Variants in NFXL1 observed in about 807,000 individuals in gnomAD.
NFXL1 encodes NF-X1-type zinc finger protein NFXL1.
A neutral mutation model predicts 123.3 loss-of-function variants in NFXL1; 66 were observed. That is an observed-to-expected ratio of 0.54 (90% CI 0.44 to 0.66). NFXL1 has a LOEUF of 0.66. NFXL1 is among the 30% of genes least tolerant of loss of function. The pLI, the probability that NFXL1 is intolerant of heterozygous loss-of-function variation, is 0.00. For synonymous variants in NFXL1, 346 were observed against 360.8 expected, an observed-to-expected ratio of 0.96 and a Z score of 0.46; for missense variants, 944 against 1,125.6, an observed-to-expected ratio of 0.84 and a Z score of 2.31.
At position 47,855,987 on chromosome 4, in the gene NFXL1, G is replaced by A. The variant is rs150706315; in HGVS notation, c.2317-824C>T. On this transcript the variant is annotated intron_variant, in intron 19 of 22. Transcript: ENST00000507489. ...GCCTATACATAAATACATAATAGTA[G>A]TTAAGAAATCTGTTTCTAAACTGTT... is the stretch of plus-strand genomic sequence containing the variant. 4.6e-3 allele frequency among the ~76,000 whole-genome samples: 703 copies of A among 152,236 alleles called. 4 individuals are homozygous for A. Among genetic ancestry groups the A allele is most frequent in the Non-Finnish European group, 7.0e-3 (479 of 68,014 alleles).
At chr4:47,908,133 T>C (rs1029557470) in intron 3 of NFXL1, among the ~76,000 whole-genome samples, 4 of 152,210 alleles carry the variant, frequency 2.6e-5, no homozygotes, top group African/African-American at 9.6e-5. Flanking sequence ...GTCTGAAGAC[T>C]TGATTAACTC....
chr4:47,899,139 A>C lies in NFXL1; in HGVS notation c.827-19T>G, dbSNP rs1363529923. ...CAGGGACCTAGAATTCAGTAAAAGC[A>C]AAAAAAAAAAAAAAAAAAAAATCTA... is the stretch of plus-strand genomic sequence containing the variant. On this transcript the variant is annotated intron_variant, in intron 6 of 22. Coordinates refer to ENST00000507489, the MANE Select transcript of NFXL1 (RefSeq NM_001278624.2). The C allele has an allele frequency of 2.4e-4, 9 of 36,908 alleles. No individual in the cohort carries two copies. The highest frequency in any genetic ancestry group is 1.0e-3 in the Admixed American group (2 of 1,942). 2.3% of individuals were successfully genotyped at this position (36,908 alleles called of 1,614,324 possible). A position where few individuals can be genotyped will look rare whatever the true frequency, so the allele number is the denominator to read the frequency against.
At chr4:47,861,802 T>A (rs1734784748) in intron 19 of NFXL1, among the ~76,000 whole-genome samples, 1 of 152,192 alleles carries the variant, frequency 6.6e-6, no homozygotes, top group Non-Finnish European at 1.5e-5. Flanking sequence ...TTCCAACAGA[T>A]CTTAAATCCA....
chr4:47,884,573 T>C (rs970272131), intron 14 of NFXL1, 136 bp from the exon 15 acceptor site: 1 of 549,866 alleles, frequency 1.8e-6, no homozygotes, highest in African/African-American at 1.9e-5. Context: ...TAAATTGTGC[T>C]TACTGAAATA....
intron 9 of NFXL1, 152 bp downstream of exon 9, chr4:47,897,815 T>C (rs1009361018): frequency 5.3e-6 from 3 of 563,540 alleles, no homozygotes; most frequent in African/African-American, 3.8e-5. Context: ...CAGAATGTCA[T>C]ATAGTTGGGG....
chr4:47,913,907 T>TC, intron 2 of NFXL1, 62 bp downstream of exon 2: 1 of 1,203,264 alleles, frequency 8.3e-7, no homozygotes, highest in Non-Finnish European at 1.2e-6. Flanking sequence ...GCGGAGGCGG[T>TC]CCTGACTAGT....
rs757792553 is a variant in NFXL1 at position 47,848,258 on chromosome 4, G to T, written c.2641C>A (p.Leu881Ile). Reference protein sequence around the residue: ...NRKRDEVAVELSLWQKHKYYL... With the variant: ...NRKRDEVAVEISLWQKHKYYL... ...TATTTATGTTTTTGCCATAGTGATA[G>T]CTCAACTGCCACTTCATCTCTTTTC... The change falls in exon 23 of 23, where the codon CTA becomes ATA. Residue 881 changes from leucine to isoleucine, a missense_variant. By Grantham distance (5) the Leu-to-Ile change is conservative. This residue lies in a region of NFXL1 where 301 missense variants were observed against 348.0 expected (regional missense o/e 0.86). Coordinates refer to ENST00000507489, the MANE Select transcript of NFXL1 (RefSeq NM_001278624.2). 6.2e-7 allele frequency: 1 copy of T among 1,612,638 alleles called. No individual in the cohort carries two copies. The highest frequency in any genetic ancestry group is 1.1e-5 in the South Asian group (1 of 90,970).
At chr4:47,910,803 C>A in intron 3 of NFXL1, 21 bp downstream of exon 3, 2 of 1,475,278 alleles carry the variant, frequency 1.4e-6, no homozygotes, top group Non-Finnish European at 1.8e-6. Flanking sequence ...CGTCAAAAGT[C>A]AAAATTTAAA....
intron 2 of NFXL1, among the ~76,000 whole-genome samples, chr4:47,912,812 TGAAAC>T (rs1737902876): frequency 7.5e-6 from 1 of 132,882 alleles, no homozygotes; most frequent in Non-Finnish European, 1.6e-5. Flanking sequence ...GCTAACACGG[TGAAAC>T]CCCGTCTCTA....
Position 47,899,527 on chromosome 4 carries a change from G to T in NFXL1, c.669C>A (p.Tyr223Ter). 6.2e-7 allele frequency: 1 copy of T among 1,611,034 alleles called. No individual in the cohort carries two copies. Among genetic ancestry groups the T allele is most frequent in the Non-Finnish European group, 8.5e-7 (1 of 1,177,766 alleles). ...PWPCPKCRFE[Y>*]KRSETPSRYY... ...ACCTACTAGGTGTTTCAGATCGTTTGTATTCAAACCTACATTTTGGACTAC... is the reference window on the plus strand; with the variant it reads ...ACCTACTAGGTGTTTCAGATCGTTTTTATTCAAACCTACATTTTGGACTAC... Residue 223 changes from tyrosine (Y) to a stop codon, truncating the protein, a stop_gained, in exon 6 of 23, where the codon TAC becomes TAA. Transcript: ENST00000507489. LOFTEE classifies it high-confidence loss of function.
At chr4:47,911,075 A>C (rs752528546) in intron 2 of NFXL1, 81 bp from the exon 3 acceptor site, 20 of 772,670 alleles carry the variant, frequency 2.6e-5, no homozygotes, top group Non-Finnish European at 3.7e-5. Context: ...ATCATTTTAC[A>C]ACACACATTT....
intron 3 of NFXL1, among the ~76,000 whole-genome samples, chr4:47,908,312 T>C (rs1311862695): frequency 6.6e-6 from 1 of 152,058 alleles, no homozygotes; most frequent in African/African-American, 2.4e-5. Context: ...CAGTACCAGC[T>C]ACTTGGGAGG....
chr4:47,885,730 A>G (rs1467350376), intron 13 of NFXL1, 73 bp from the exon 14 acceptor site: 1 of 1,409,668 alleles, frequency 7.1e-7, no homozygotes, highest in East Asian at 2.3e-5. Flanking sequence ...ACAATTATCT[A>G]TTTACATATC....
intron 3 of NFXL1, among the ~76,000 whole-genome samples, chr4:47,907,656 T>C (rs1367331961): frequency 6.6e-6 from 1 of 152,244 alleles, no homozygotes; most frequent in Non-Finnish European, 1.5e-5. Flanking sequence ...GGGAATCATA[T>C]ACTAATGGAT....
intron 2 of NFXL1, among the ~76,000 whole-genome samples, chr4:47,912,036 G>C (rs1228009733): frequency 6.6e-6 from 1 of 152,100 alleles, no homozygotes; most frequent in Non-Finnish European, 1.5e-5. Flanking sequence ...TGGTATATTC[G>C]TACTTGATTA....
chr4:47,850,409 C>T (rs1199849840), intron 22 of NFXL1, among the ~76,000 whole-genome samples: 3 of 152,032 alleles, frequency 2.0e-5, no homozygotes, highest in African/African-American at 7.2e-5. Flanking sequence ...TTCATAAAGG[C>T]AGTAGCTTAG....
At chr4:47,891,114 C>CTTT (rs374093120) in intron 11 of NFXL1, among the ~76,000 whole-genome samples, 11 of 140,000 alleles carry the variant, frequency 7.9e-5, no homozygotes, top group East Asian at 2.0e-4. Context: ...TTCTTTTTTT[C>CTTT]TTTTTTTTTT....
At chr4:47,859,522 C>T (rs1560581673) in intron 19 of NFXL1, among the ~76,000 whole-genome samples, 1 of 152,214 alleles carries the variant, frequency 6.6e-6, no homozygotes, top group East Asian at 1.9e-4. Flanking sequence ...GGGAATGAGA[C>T]AACCAAATTC....
At chr4:47,866,027 TAAA>T (rs886864802) in intron 18 of NFXL1, among the ~76,000 whole-genome samples, 2 of 149,968 alleles carry the variant, frequency 1.3e-5, no homozygotes, top group Admixed American at 1.3e-4. Context: ...AAAATAAAAA[TAAA>T]AAAAAATTTA....
Sources: gnomAD v4.1 joint callset for allele counts (sites outside exome capture counted in the v4.1 genomes callset) on GRCh38, gnomAD v4.1.1 for gene constraint, gnomAD v4.1.1 regional missense constraint, MANE v1.5 for transcripts, NCBI Gene and HGNC (gene_info 2026-07-23, HGNC 2026-07-21) for gene names.